The following SLC6A15 variants were observed in gnomAD, a reference collection of about 807,000 sequenced individuals.
The protein encoded by SLC6A15 is sodium-dependent neutral amino acid transporter B(0)AT2.
Under a neutral mutation model 68.5 loss-of-function variants are expected in SLC6A15, and 33 were observed. The ratio of observed to expected loss-of-function variants is 0.48; its 90% CI spans 0.37 to 0.64. The LOEUF (loss-of-function observed/expected upper bound fraction) is 0.64. Ranked by LOEUF, SLC6A15 falls within the 30% of genes least tolerant of loss-of-function variation. The pLI is 0.00. For synonymous variants in SLC6A15, 347 were observed against 301.0 expected (o/e 1.15, Z -1.58); for missense variants, 747 against 874.3 (o/e 0.85, Z 1.84).
intron 7 of SLC6A15, 122 bp from the exon 8 acceptor site, chr12:84,872,916 G>T: frequency 8.4e-7 from 1 of 1,189,284 alleles, no homozygotes; most frequent in South Asian, 1.6e-5. Flanking sequence ...AATGATTAAT[G>T]TTTGAGGTGA....
At chr12:84,865,108 A>G (rs1871013407) in intron 10 of SLC6A15, among the ~76,000 whole-genome samples, 1 of 152,192 alleles carries the variant, frequency 6.6e-6, no homozygotes, top group African/African-American at 2.4e-5. Context: ...AAATTCCATC[A>G]TGGTACAGGT....
intron 2 of SLC6A15, among the ~76,000 whole-genome samples, chr12:84,887,179 A>G (rs566331952): frequency 1.3e-5 from 2 of 152,356 alleles, no homozygotes; most frequent in South Asian, 4.1e-4. Context: ...AGATACTGTT[A>G]AATGTAATGG....
In SLC6A15 at chr12:84,859,932, T is replaced by C. The variant is rs1248082209; in HGVS notation, c.*1700A>G. 2.0e-5 allele frequency: 3 copies of C among 152,040 alleles called. No individual in the cohort carries two copies. The highest frequency in any genetic ancestry group is 4.4e-5 in the Non-Finnish European group (3 of 67,914). 9.4% of individuals were successfully genotyped at this position (152,040 alleles called of 1,614,324 possible). ...ATTGCCTTTAAAGATGGAGAATGGA[T>C]GGCCAGGAGAAATGTTGGATGAGAA... On this transcript the variant is annotated 3_prime_UTR_variant, in exon 12 of 12. Coordinates refer to ENST00000266682, the MANE Select transcript of SLC6A15 (RefSeq NM_182767.6).
intron 8 of SLC6A15, among the ~76,000 whole-genome samples, chr12:84,871,310 T>TA (rs1185580004): frequency 1.4e-3 from 185 of 133,820 alleles, no homozygotes; most frequent in East Asian, 3.2e-3. Flanking sequence ...CCTCCCTGAT[T>TA]AAAAAAAAAA....
intron 2 of SLC6A15, among the ~76,000 whole-genome samples, chr12:84,887,902 T>C (rs1026913870): frequency 1.3e-5 from 2 of 151,814 alleles, no homozygotes; most frequent in African/African-American, 4.8e-5. Context: ...CCTAGATATC[T>C]ACCCAAAGGA....
At chr12:84,866,936 CTATT>C (rs1221887156) in intron 10 of SLC6A15, 94 bp downstream of exon 10, 10 of 1,075,368 alleles carry the variant, frequency 9.3e-6, no homozygotes, top group Non-Finnish European at 1.3e-5. Flanking sequence ...ATTGTTCCCT[CTATT>C]CATTTATTTC....
intron 5 of SLC6A15, 54 bp from the exon 6 acceptor site, chr12:84,876,661 G>C (rs908432205): frequency 2.5e-6 from 2 of 816,308 alleles, no homozygotes; most frequent in African/African-American, 1.8e-5. Context: ...TTTTTTTATA[G>C]ATAAGATTTT....
At chr12:84,911,074 G>C (rs1348803591) in intron 1 of SLC6A15, among the ~76,000 whole-genome samples, 1 of 152,140 alleles carries the variant, frequency 6.6e-6, no homozygotes, top group Non-Finnish European at 1.5e-5. Flanking sequence ...GACATAAATA[G>C]GTCTGTGTTT....
At chr12:84,907,787 AAT>A (rs1199564900) in intron 1 of SLC6A15, among the ~76,000 whole-genome samples, 1 of 152,190 alleles carries the variant, frequency 6.6e-6, no homozygotes, top group East Asian at 1.9e-4. Context: ...CTAAACTAGA[AAT>A]AATCCAGATG....
At position 84,861,666 on chromosome 12, in the gene SLC6A15, T is replaced by A. The variant is rs1226992004; in HGVS notation, c.2159A>T (p.Asp720Val). ...AGATTCTGGCATATCTGGCATAATA[T>A]CTGCCATCAAGTACCCTATTCCATA... ...GRYGIGYLMA[D>V]IMPDMPESDL is the part of the protein sequence containing the mutation. The change falls in exon 12 of 12, where the codon GAT (aspartate) becomes GTT (valine). Residue 720 changes from aspartate (D) to valine (V), a missense_variant. Physicochemically the swap from Asp to Val is radical, Grantham distance 152 (BLOSUM62 -3). Coordinates refer to ENST00000266682, the MANE Select transcript of SLC6A15 (RefSeq NM_182767.6). 6.2e-7 allele frequency: 1 copy of A among 1,605,126 alleles called. No individual in the cohort carries two copies. The highest frequency in any genetic ancestry group is 2.2e-5 in the East Asian group (1 of 44,686).
chr12:84,885,694 T>C, intron 3 of SLC6A15, 133 bp from the exon 4 acceptor site: 2 of 1,127,008 alleles, frequency 1.8e-6, no homozygotes, highest in Non-Finnish European at 2.5e-6. Flanking sequence ...CACATTATCT[T>C]TTCTAAAAAG....
In SLC6A15 at chr12:84,876,479, T is replaced by C. The variant is rs1391939657; in HGVS notation, c.867+18A>G. 5 of 1,252,744 alleles carry C rather than the reference T, an allele frequency of 4.0e-6. No homozygotes were observed. Among genetic ancestry groups the C allele is most frequent in the East Asian group, 4.8e-5 (2 of 41,532 alleles). 77.6% of individuals were successfully genotyped at this position (1,252,744 alleles called of 1,614,324 possible). Reference sequence around the variant, plus strand: ...TGCTTTCATGATCATAAGCCTTAAATAGAAATATGGTACATACCTTAGGGG... The same window carrying C: ...TGCTTTCATGATCATAAGCCTTAAACAGAAATATGGTACATACCTTAGGGG... On this transcript the variant is annotated intron_variant, in intron 6 of 11. Coordinates refer to ENST00000266682, the MANE Select transcript of SLC6A15 (RefSeq NM_182767.6).
chr12:84,863,291 A>G, intron 11 of SLC6A15, 148 bp downstream of exon 11: 2 of 567,094 alleles, frequency 3.5e-6, no homozygotes, highest in Non-Finnish European at 3.1e-6. Context: ...CTCGGGGCAG[A>G]GCACAAACGT....
chr12:84,896,689 G>A (rs2120698053), intron 1 of SLC6A15, among the ~76,000 whole-genome samples: 1 of 152,326 alleles, frequency 6.6e-6, no homozygotes, highest in South Asian at 2.1e-4. Context: ...AAAGATAGAG[G>A]TGATAGTGGA....
chr12:84,883,280 T>G (rs181274886), intron 5 of SLC6A15: 3 of 985,762 alleles, frequency 3.0e-6, no homozygotes, highest in Admixed American at 1.2e-4. Flanking sequence ...ACCACAACCA[T>G]TCTAATTTTC....
At chr12:84,888,796 T>C (rs1345432157) in intron 2 of SLC6A15, among the ~76,000 whole-genome samples, 2 of 152,174 alleles carry the variant, frequency 1.3e-5, no homozygotes, top group Non-Finnish European at 2.9e-5. Context: ...CACGTTGGCA[T>C]GCTGGATACC....
intron 9 of SLC6A15, 23 bp downstream of exon 9, chr12:84,870,455 A>G (rs1345226263): frequency 1.3e-6 from 2 of 1,492,458 alleles, no homozygotes; most frequent in Non-Finnish European, 1.8e-6. Context: ...TGTTCAATGA[A>G]AAGTCAAATA....
chr12:84,881,669 T>A, intron 5 of SLC6A15: 27 of 972,224 alleles, frequency 2.8e-5, no homozygotes, highest in Non-Finnish European at 3.3e-5. Flanking sequence ...ATTCTTCTTT[T>A]AGCTGCTAAA....
intron 1 of SLC6A15, among the ~76,000 whole-genome samples, chr12:84,903,215 T>C (rs916054590): frequency 5.9e-5 from 9 of 152,134 alleles, no homozygotes; most frequent in African/African-American, 2.2e-4. Context: ...CTTTCAAAAT[T>C]CTTTTAGAGA....
Sources: gnomAD v4.1 joint callset for allele counts (sites outside exome capture counted in the v4.1 genomes callset) on GRCh38, gnomAD v4.1.1 for gene constraint, MANE v1.5 for transcripts, NCBI Gene and HGNC (gene_info 2026-07-23, HGNC 2026-07-21) for gene names.